Variants in GPC6 observed in about 807,000 individuals in gnomAD.
GPC6 encodes the protein glypican-6.
A neutral mutation model predicts 55.2 loss-of-function variants in GPC6; 14 were observed. The observed-to-expected ratio is 0.25, with a 90% CI of 0.17 to 0.40. GPC6 has a LOEUF of 0.40. Ranked by LOEUF, GPC6 falls within the 10% of genes least tolerant of loss-of-function variation. The probability of loss-of-function intolerance (pLI) is 1.00; values close to 1 mark genes in which losing one functional copy is unlikely to be tolerated. For synonymous variants in GPC6, 278 were observed against 259.6 expected (o/e 1.07, Z -0.68); for missense variants, 641 against 708.5 (o/e 0.90, Z 1.08).
intron 1 of GPC6, among the ~76,000 whole-genome samples, chr13:93,278,902 T>G (rs1316317450): frequency 1.3e-5 from 2 of 152,206 alleles, no homozygotes; most frequent in Non-Finnish European, 2.9e-5. Flanking sequence ...TTTACTTCAC[T>G]GTAGTAACCT....
chr13:93,275,611 C>T (rs1877706558), intron 1 of GPC6, among the ~76,000 whole-genome samples: 1 of 152,144 alleles, frequency 6.6e-6, no homozygotes, highest in Non-Finnish European at 1.5e-5. Flanking sequence ...GGCCTCCCTC[C>T]TTGGCCTGCA....
chr13:93,486,665 G>A (rs1879721955), intron 1 of GPC6, among the ~76,000 whole-genome samples: 1 of 152,082 alleles, frequency 6.6e-6, no homozygotes, highest in South Asian at 2.1e-4. Flanking sequence ...AGACCATCTT[G>A]GCCGGGCACG....
At chr13:94,367,018 C>A (rs1879317015) in intron 6 of GPC6, among the ~76,000 whole-genome samples, 1 of 152,126 alleles carries the variant, frequency 6.6e-6, no homozygotes, top group Admixed American at 6.5e-5. Context: ...TCATAAAGAC[C>A]CAGAACTGCC....
chr13:94,179,692 A>C (rs1888915064), intron 4 of GPC6, among the ~76,000 whole-genome samples: 1 of 152,152 alleles, frequency 6.6e-6, no homozygotes, highest in South Asian at 2.1e-4. Context: ...AAAAGTGACT[A>C]TTTCTGTAGT....
At chr13:93,687,395 T>G (rs949604764) in intron 2 of GPC6, among the ~76,000 whole-genome samples, 1 of 152,064 alleles carries the variant, frequency 6.6e-6, no homozygotes, top group Non-Finnish European at 1.5e-5. Flanking sequence ...GTAAGCCAAT[T>G]TATGGCTGAG....
intron 3 of GPC6, among the ~76,000 whole-genome samples, chr13:93,945,589 A>G (rs1002300379): frequency 2.6e-5 from 4 of 152,124 alleles, no homozygotes; most frequent in African/African-American, 9.7e-5. Context: ...AGAGACAACA[A>G]AAAAAATAGG....
chr13:93,446,922 AAT>A (rs1367144662), intron 1 of GPC6, among the ~76,000 whole-genome samples: 5 of 152,104 alleles, frequency 3.3e-5, no homozygotes, highest in Non-Finnish European at 7.3e-5. Context: ...TAAAAAAATC[AAT>A]GCCATTAGCA....
intron 4 of GPC6, among the ~76,000 whole-genome samples, chr13:94,225,903 GTTC>G (rs1210641186): frequency 6.6e-6 from 1 of 152,098 alleles, no homozygotes; most frequent in Non-Finnish European, 1.5e-5. Flanking sequence ...CAGTGGGCAA[GTTC>G]TTCTACTACC....
chr13:94,320,561 G>A (rs1876767051), intron 6 of GPC6, among the ~76,000 whole-genome samples: 1 of 152,066 alleles, frequency 6.6e-6, no homozygotes, highest in African/African-American at 2.4e-5. Flanking sequence ...TGGGAACCCC[G>A]GCTGTATGTG....
rs147817187 is a variant in GPC6 at position 93,858,248 on chromosome 13, G to A, written c.711+27703G>A. On this transcript the variant is annotated intron_variant, in intron 3 of 8. Transcript: ENST00000377047. Reference sequence around the variant, plus strand: ...GTCAAATTAATCCCAATTACTATCTGTTGTTTTGTTAATAACATAATATTT... The same window carrying A: ...GTCAAATTAATCCCAATTACTATCTATTGTTTTGTTAATAACATAATATTT... Among the ~76,000 whole-genome samples the A allele has an allele frequency of 4.1e-4, 62 of 151,490 alleles. 1 individual carries two copies. The highest frequency in any genetic ancestry group is 1.4e-3 in the African/African-American group (58 of 41,398).
chr13:93,441,315 T>G (rs977060943), intron 1 of GPC6, among the ~76,000 whole-genome samples: 1 of 152,176 alleles, frequency 6.6e-6, no homozygotes, highest in Non-Finnish European at 1.5e-5. Flanking sequence ...CCACCAACAG[T>G]GTAGAAGTGT....
chr13:94,187,183 T>C (rs1484127256), intron 4 of GPC6: 1 of 152,140 alleles, frequency 6.6e-6, no homozygotes, highest in African/African-American at 2.4e-5. Flanking sequence ...AACGTGTGTA[T>C]CCTCCCTCAA....
intron 3 of GPC6, among the ~76,000 whole-genome samples, chr13:93,972,349 A>G (rs1031258629): frequency 6.6e-6 from 1 of 152,180 alleles, no homozygotes; most frequent in Non-Finnish European, 1.5e-5. Context: ...TTGCATATAT[A>G]GATTTTTCAT....
chr13:93,546,508 C>T (rs149431265), intron 2 of GPC6, among the ~76,000 whole-genome samples: 202 of 152,200 alleles, frequency 1.3e-3, no homozygotes, highest in South Asian at 6.6e-3. Flanking sequence ...TGTAAGTGAC[C>T]GGAGTTTGAT....
intron 1 of GPC6, among the ~76,000 whole-genome samples, chr13:93,435,731 G>A (rs1877547103): frequency 6.6e-6 from 1 of 152,158 alleles, no homozygotes; most frequent in Non-Finnish European, 1.5e-5. Context: ...CCAGTTGTGA[G>A]TGGAGGTAGG....
At chr13:93,462,215 T>G (rs981549991) in intron 1 of GPC6, among the ~76,000 whole-genome samples, 1 of 152,170 alleles carries the variant, frequency 6.6e-6, no homozygotes, top group Non-Finnish European at 1.5e-5. Flanking sequence ...TTAAGAAAGA[T>G]TCCATCCTTC....
At chr13:94,266,146 C>CTTT (rs1417269883) in intron 4 of GPC6, among the ~76,000 whole-genome samples, 1 of 105,400 alleles carries the variant, frequency 9.5e-6, no homozygotes, top group Non-Finnish European at 2.0e-5. Context: ...CTTTACTTTT[C>CTTT]TTTTCTTTTT....
intron 3 of GPC6, among the ~76,000 whole-genome samples, chr13:93,844,825 G>T (rs530608849): frequency 1.3e-5 from 2 of 148,674 alleles, no homozygotes; most frequent in Admixed American, 6.8e-5. Flanking sequence ...TTTTGTATAA[G>T]GTGTAAGGAA....
At chr13:93,317,976 C>T (rs1879299928) in intron 1 of GPC6, among the ~76,000 whole-genome samples, 1 of 152,144 alleles carries the variant, frequency 6.6e-6, no homozygotes, top group Non-Finnish European at 1.5e-5. Flanking sequence ...TTGTCATACT[C>T]ATGTCCTCTT....
Sources: allele counts gnomAD v4.1 joint callset (sites outside exome capture counted in the v4.1 genomes callset), GRCh38; gene constraint gnomAD v4.1.1; transcripts MANE v1.5; gene names NCBI Gene and HGNC (gene_info 2026-07-23, HGNC 2026-07-21).